Variants in MYO3B observed in about 807,000 individuals in gnomAD.
The protein encoded by MYO3B is myosin-IIIb.
In MYO3B, 156 loss-of-function variants were observed where a neutral mutation model predicts 174.6. That is an observed-to-expected ratio of 0.89 (90% CI 0.78 to 1.02). MYO3B has a LOEUF of 1.02. Among genes scored for constraint, MYO3B ranks in the 50% least tolerant of loss-of-function variants. MYO3B has a pLI of 0.00. For missense variants in MYO3B, 1,632 were observed against 1,639.4 expected, an observed-to-expected ratio of 1.00 and a Z score of 0.08; for synonymous variants, 563 against 569.1, an observed-to-expected ratio of 0.99 and a Z score of 0.15.
chr2:170,478,871 C>G (rs1340541103), intron 25 of MYO3B, among the ~76,000 whole-genome samples: 1 of 116,880 alleles, frequency 8.6e-6, no homozygotes, highest in Non-Finnish European at 1.7e-5. Flanking sequence ...CATGCCTGGC[C>G]CATATATAGG....
intron 14 of MYO3B, among the ~76,000 whole-genome samples, chr2:170,389,417 C>T (rs1463558480): frequency 2.6e-5 from 4 of 152,174 alleles, no homozygotes; most frequent in African/African-American, 4.8e-5. Flanking sequence ...ACAGCCCCAC[C>T]GCTGACCTGC....
intron 7 of MYO3B, among the ~76,000 whole-genome samples, chr2:170,311,980 T>A (rs979546379): frequency 2.6e-5 from 4 of 152,236 alleles, no homozygotes; most frequent in Non-Finnish European, 5.9e-5. Context: ...ATGCCGGTAA[T>A]CACACTACTT....
At chr2:170,526,939 G>A (rs1452135786) in intron 30 of MYO3B, among the ~76,000 whole-genome samples, 3 of 152,170 alleles carry the variant, frequency 2.0e-5, no homozygotes, top group African/African-American at 7.2e-5. Context: ...AGATTCCAAG[G>A]ACCAGAGGCC....
chr2:170,289,854 A>T (rs1046489091), intron 7 of MYO3B, among the ~76,000 whole-genome samples: 1 of 151,942 alleles, frequency 6.6e-6, no homozygotes, highest in East Asian at 1.9e-4. Context: ...TTTCCCTCTT[A>T]GTGTTGCTGT....
At chr2:170,463,512 A>G in intron 24 of MYO3B, 67 bp downstream of exon 24, 1 of 1,362,912 alleles carries the variant, frequency 7.3e-7, no homozygotes, top group African/African-American at 1.4e-5. Flanking sequence ...TTCTTATGAG[A>G]TGCCCAGATG....
intron 30 of MYO3B, among the ~76,000 whole-genome samples, chr2:170,528,557 C>T (rs1050914691): frequency 3.9e-5 from 6 of 152,124 alleles, no homozygotes; most frequent in African/African-American, 1.4e-4. Context: ...AGCTGTGCAC[C>T]ACCATGACCA....
intron 34 of MYO3B, 38 bp from the exon 35 acceptor site, chr2:170,652,945 A>AT (rs1303081940): frequency 1.4e-5 from 23 of 1,611,006 alleles, no homozygotes; most frequent in African/African-American, 6.7e-5. Flanking sequence ...CATTTGTTTT[A>AT]TTTTTTGTTG....
intron 34 of MYO3B, 145 bp from the exon 35 acceptor site, chr2:170,652,838 C>A: frequency 1.2e-6 from 1 of 803,270 alleles, no homozygotes; most frequent in South Asian, 1.8e-5. Context: ...ACTGGGAGAC[C>A]CTGAGCTACC....
At chr2:170,636,957 CGTGTGTGTGTGT>C (rs3047156) in intron 32 of MYO3B, among the ~76,000 whole-genome samples, 40 of 146,668 alleles carry the variant, frequency 2.7e-4, no homozygotes, top group South Asian at 8.7e-4. Context: ...TGCTTTTGTG[CGTGTGTGTGTGT>C]GTGTGTGTGT....
intron 3 of MYO3B, among the ~76,000 whole-genome samples, chr2:170,205,328 A>G (rs1446698403): frequency 1.3e-5 from 2 of 152,142 alleles, no homozygotes; most frequent in Non-Finnish European, 2.9e-5. Flanking sequence ...GGGCAGGGAG[A>G]GAGACCAAAA....
chr2:170,365,688 C>T (rs897044327), intron 8 of MYO3B, among the ~76,000 whole-genome samples: 61 of 152,158 alleles, frequency 4.0e-4, no homozygotes, highest in Admixed American at 3.5e-3. Context: ...CATGCCCTTT[C>T]CCTAAAAATC....
rs182739270 is a variant in MYO3B, at chr2:170,181,856, G to A, written c.2+3567G>A. On this transcript the variant is annotated intron_variant, in intron 1 of 34. Transcript: ENST00000408978. The stretch of plus-strand genomic sequence containing the variant: ...CCTCACAAAGATTGTTTACGCTTTC[G>A]CTCATGTTGTCTCAGAGTGCTTATT... 8.5e-5 allele frequency among the ~76,000 whole-genome samples: 13 copies of A among 152,166 alleles called. No individual in the cohort carries two copies. The East Asian group carries it at 2.3e-3, about 27-fold the overall frequency.
At chr2:170,576,811 G>A (rs572011196) in intron 32 of MYO3B, among the ~76,000 whole-genome samples, 2 of 152,054 alleles carry the variant, frequency 1.3e-5, no homozygotes, top group African/African-American at 4.8e-5. Flanking sequence ...GAGATTCTTT[G>A]CCTGGCAAGG....
In MYO3B at chr2:170,300,048, TCTTG is replaced by T. The variant is rs376086396; in HGVS notation, c.750-35333_750-35330del. On this transcript the variant is annotated intron_variant, in intron 7 of 34. Coordinates refer to ENST00000408978, the MANE Select transcript of MYO3B (RefSeq NM_138995.5). Reference sequence around the variant, plus strand: ...TGCAGCTTTTAAAAATACTTTCATGTCTTGCTTTGTTTGATCCTCACACCCGCTC... The same window carrying T: ...TGCAGCTTTTAAAAATACTTTCATGTCTTTGTTTGATCCTCACACCCGCTC... Among the ~76,000 whole-genome samples the T allele has an allele frequency of 8.5e-3, 1,292 of 152,332 alleles. 12 individuals are homozygous for T. Among genetic ancestry groups the T allele is most frequent in the South Asian group, 0.054 (262 of 4,826 alleles).
At chr2:170,500,427 T>C (rs1331108328) in intron 27 of MYO3B, among the ~76,000 whole-genome samples, 2 of 152,200 alleles carry the variant, frequency 1.3e-5, no homozygotes, top group African/African-American at 4.8e-5. Flanking sequence ...GTTGAGGAGA[T>C]ATCTGGGGAA....
intron 30 of MYO3B, among the ~76,000 whole-genome samples, chr2:170,538,835 CAA>C (rs1689893141): frequency 6.6e-6 from 1 of 152,306 alleles, no homozygotes; most frequent in African/African-American, 2.4e-5. Context: ...ATGAATTATA[CAA>C]AGAGGGACAA....
chr2:170,224,583 T>C (rs1189960120), intron 6 of MYO3B, among the ~76,000 whole-genome samples: 2 of 151,958 alleles, frequency 1.3e-5, no homozygotes, highest in Non-Finnish European at 2.9e-5. Context: ...TCACCTATAA[T>C]TTATAGGTTG....
intron 5 of MYO3B, among the ~76,000 whole-genome samples, chr2:170,215,918 G>A (rs990234957): frequency 2.6e-5 from 4 of 152,192 alleles, no homozygotes; most frequent in Admixed American, 1.3e-4. Context: ...GCAGCTTTGC[G>A]ATTTGACATA....
chr2:170,455,191 A>G (rs142125519), intron 23 of MYO3B, among the ~76,000 whole-genome samples: 147 of 152,322 alleles, frequency 9.7e-4, no homozygotes, highest in African/African-American at 3.5e-3. Context: ...AAGGCAGTCT[A>G]GTCCCCAGGA....
Sources: allele counts gnomAD v4.1 joint callset (sites outside exome capture counted in the v4.1 genomes callset), GRCh38; gene constraint gnomAD v4.1.1; transcripts MANE v1.5; gene names NCBI Gene and HGNC (gene_info 2026-07-23, HGNC 2026-07-21).